The following ENOX1 variants were observed in gnomAD, a reference collection of about 807,000 sequenced individuals.
ENOX1 encodes the protein candidate growth-related and time keeping constitutive hydroquinone (NADH) oxidase.
ENOX1 carries 42 observed loss-of-function variants against 82.5 expected under a neutral mutation model. That is an observed-to-expected ratio of 0.51 (90% CI 0.40 to 0.66). ENOX1 has a LOEUF of 0.66. Ranked by LOEUF, ENOX1 falls within the 30% of genes least tolerant of loss-of-function variation. The probability of loss-of-function intolerance (pLI) is 0.00; values close to 1 mark genes in which losing one functional copy is unlikely to be tolerated. For missense variants in ENOX1, 608 were observed against 811.6 expected, an observed-to-expected ratio of 0.75 and a Z score of 3.05; for synonymous variants, 271 against 282.2, an observed-to-expected ratio of 0.96 and a Z score of 0.40.
chr13:43,692,180 G>A (rs948046767), intron 1 of ENOX1, among the ~76,000 whole-genome samples: 8 of 152,190 alleles, frequency 5.3e-5, no homozygotes, highest in African/African-American at 1.9e-4. Flanking sequence ...AGTGTATGAT[G>A]ACTGGAAAAG....
At position 43,659,488 on chromosome 13, in the gene ENOX1, T is replaced by TAA. The variant is rs58996950; in HGVS notation, c.-219+7989_-219+7990dup. ...CTGGACGACAGAGTGAAACCCTGTG[T>TAA]AAAAAAAAAAAAAATTTTCTTCTTC... On this transcript the variant is annotated intron_variant, in intron 2 of 16. Coordinates refer to ENST00000690772, the MANE Select transcript of ENOX1 (RefSeq NM_001347969.2). Among the ~76,000 whole-genome samples, 20 of 145,780 alleles carry TAA rather than the reference T, an allele frequency of 1.4e-4. No homozygotes were observed. The East Asian group carries it at 2.4e-3, about 17-fold the overall frequency.
At chr13:43,273,127 C>G (rs949410734) in intron 12 of ENOX1, among the ~76,000 whole-genome samples, 4 of 152,314 alleles carry the variant, frequency 2.6e-5, no homozygotes, top group South Asian at 2.1e-4. Flanking sequence ...CAACTGTGCC[C>G]ATTAGCACAC....
At chr13:43,294,773 G>A (rs553251811) in intron 12 of ENOX1, among the ~76,000 whole-genome samples, 2 of 152,236 alleles carry the variant, frequency 1.3e-5, no homozygotes, top group African/African-American at 2.4e-5. Flanking sequence ...TCTTTCTTAC[G>A]GTGGAATACT....
chr13:43,316,765 A>G (rs2047516410), intron 11 of ENOX1, among the ~76,000 whole-genome samples: 1 of 143,986 alleles, frequency 6.9e-6, no homozygotes, highest in Non-Finnish European at 1.6e-5. Context: ...AAGATTAGCA[A>G]GATTAAAAGA....
At chr13:43,450,304 AG>A (rs1242227729) in intron 3 of ENOX1, among the ~76,000 whole-genome samples, 1 of 152,248 alleles carries the variant, frequency 6.6e-6, no homozygotes, top group Non-Finnish European at 1.5e-5. Context: ...GGGGGGCAGC[AG>A]ATGGCAGGAA....
chr13:43,628,259 A>G (rs2153749701), intron 2 of ENOX1, among the ~76,000 whole-genome samples: 1 of 152,190 alleles, frequency 6.6e-6, no homozygotes, highest in Non-Finnish European at 1.5e-5. Flanking sequence ...TTATAATCCC[A>G]CAGGTCTGTG....
intron 3 of ENOX1, among the ~76,000 whole-genome samples, chr13:43,425,801 C>T (rs541601407): frequency 3.3e-5 from 5 of 152,312 alleles, no homozygotes; most frequent in African/African-American, 1.2e-4. Flanking sequence ...TTAGTATTCA[C>T]ATGAAAGTCA....
At chr13:43,476,668 G>C (rs1182734359) in intron 3 of ENOX1, among the ~76,000 whole-genome samples, 2 of 152,088 alleles carry the variant, frequency 1.3e-5, no homozygotes, top group Non-Finnish European at 2.9e-5. Flanking sequence ...ATAGTTGATT[G>C]AGATATAACG....
At chr13:43,574,917 G>A (rs1400753735) in intron 2 of ENOX1, among the ~76,000 whole-genome samples, 3 of 152,200 alleles carry the variant, frequency 2.0e-5, no homozygotes, top group Non-Finnish European at 4.4e-5. Context: ...CAAATGTCAT[G>A]CCTCTTCTTA....
In ENOX1 at chr13:43,233,522, G is replaced by T. The variant is rs183785856; in HGVS notation, c.1714+3114C>A. 9.9e-5 allele frequency among the ~76,000 whole-genome samples: 15 copies of T among 152,218 alleles called. No individual in the cohort carries two copies. In the East Asian group the frequency reaches 2.9e-3, roughly 29 times the overall value. ...ATGTCTGGGCAGAATACACCCTTTT[G>T]CCCAGATAAATCAGTGTCACAAATA... On this transcript the variant is annotated intron_variant, in intron 15 of 16. Coordinates refer to ENST00000690772, the MANE Select transcript of ENOX1 (RefSeq NM_001347969.2).
intron 14 of ENOX1, among the ~76,000 whole-genome samples, chr13:43,246,153 T>C (rs965126725): frequency 2.6e-5 from 4 of 152,204 alleles, no homozygotes; most frequent in African/African-American, 7.2e-5. Flanking sequence ...ATAAACTCAA[T>C]TGTCATAAGT....
chr13:43,369,535 T>C (rs9533465), intron 5 of ENOX1, among the ~76,000 whole-genome samples: 46,522 of 152,104 alleles, frequency 0.31, 7,252 homozygotes, highest in East Asian at 0.5. Flanking sequence ...CATCACAAAG[T>C]TGACAAATGC....
At chr13:43,283,525 G>A (rs2045520081) in intron 12 of ENOX1, among the ~76,000 whole-genome samples, 1 of 151,954 alleles carries the variant, frequency 6.6e-6, no homozygotes, top group African/African-American at 2.4e-5. Flanking sequence ...GCTCACTACA[G>A]CTTTGACCTC....
intron 1 of ENOX1, among the ~76,000 whole-genome samples, chr13:43,676,973 C>A (rs2085540768): frequency 1.3e-5 from 2 of 151,930 alleles, no homozygotes; most frequent in Non-Finnish European, 2.9e-5. Flanking sequence ...GAAACTTGCC[C>A]TGCCATTAAA....
At chr13:43,232,850 A>G (rs1278782503) in intron 15 of ENOX1, among the ~76,000 whole-genome samples, 1 of 152,226 alleles carries the variant, frequency 6.6e-6, no homozygotes, top group Non-Finnish European at 1.5e-5. Flanking sequence ...ATTGAAATCT[A>G]TTGTGTTGGA....
chr13:43,249,894 C>A (rs2043354236), intron 14 of ENOX1, among the ~76,000 whole-genome samples: 1 of 152,178 alleles, frequency 6.6e-6, no homozygotes, highest in Admixed American at 6.5e-5. Context: ...CTTGCATATG[C>A]CACACATGAG....
chr13:43,664,733 T>C (rs1007671997), intron 2 of ENOX1, among the ~76,000 whole-genome samples: 2 of 152,108 alleles, frequency 1.3e-5, no homozygotes, highest in African/African-American at 4.8e-5. Flanking sequence ...AAGTAAGCAA[T>C]GGAGACACAG....
intron 11 of ENOX1, among the ~76,000 whole-genome samples, chr13:43,313,820 G>A (rs1409184005): frequency 6.6e-6 from 1 of 152,084 alleles, no homozygotes; most frequent in African/African-American, 2.4e-5. Context: ...ACTGCTCATG[G>A]ATATACATTA....
At chr13:43,501,586 A>G (rs80289892) in intron 2 of ENOX1, among the ~76,000 whole-genome samples, 4,025 of 151,826 alleles carry the variant, frequency 0.027, 81 homozygotes, top group Admixed American at 0.064. Flanking sequence ...ATCAAACACA[A>G]TATCAATAAC....
Sources: allele counts gnomAD v4.1 joint callset (sites outside exome capture counted in the v4.1 genomes callset), GRCh38; gene constraint gnomAD v4.1.1; transcripts MANE v1.5; gene names NCBI Gene and HGNC (gene_info 2026-07-23, HGNC 2026-07-21).